LINGO1: variants seen among roughly 807,000 people sequenced by gnomAD.
LINGO1 encodes the protein leucine-rich repeat and immunoglobulin-like domain-containing nogo receptor-interacting protein 1.
LINGO1 carries 11 observed loss-of-function variants against 37.3 expected under a neutral mutation model. The ratio of observed to expected loss-of-function variants is 0.29; its 90% CI spans 0.19 to 0.49. The LOEUF (loss-of-function observed/expected upper bound fraction) is 0.49. Ranked by LOEUF, LINGO1 falls within the 20% of genes least tolerant of loss-of-function variation. The pLI is 0.99. For missense variants in LINGO1, 585 were observed against 878.2 expected (o/e 0.67, Z 4.22); for synonymous variants, 387 against 403.0 (o/e 0.96, Z 0.48).
chr15:77,631,381 A>G (rs1451960550), intron 1 of LINGO1, among the ~76,000 whole-genome samples: 6 of 151,918 alleles, frequency 3.9e-5, no homozygotes. Context: ...CCCAACCCCA[A>G]GGCCTCTGAG....
At position 77,615,662 on chromosome 15, in the gene LINGO1, C is replaced by A; in HGVS notation, c.245G>T (p.Arg82Leu). The part of the protein sequence containing the change: ...ETRLLDLGKN[R>L]IKTLNQDEFA... ...CTCGTCCTGGTTGAGCGTTTTGATGCGGTTCTTGCCTAGGTCCAGCAGGCG... is the reference window on the plus strand; with the variant it reads ...CTCGTCCTGGTTGAGCGTTTTGATGAGGTTCTTGCCTAGGTCCAGCAGGCG... The change falls in exon 2 of 2, where the codon CGC becomes CTC. Residue 82 changes from arginine (R) to leucine (L), a missense_variant. Physicochemically the swap from Arg to Leu is moderately radical, Grantham distance 102. Coordinates refer to ENST00000355300, the MANE Select transcript of LINGO1 (RefSeq NM_032808.7). The A allele has an allele frequency of 4.4e-6, 7 of 1,608,966 alleles. No homozygotes were observed. Among genetic ancestry groups the A allele is most frequent in the Non-Finnish European group, 5.9e-6 (7 of 1,177,250 alleles).
At chr15:77,808,916 T>C (rs1203084881) in intron 1 of LINGO1, among the ~76,000 whole-genome samples, 1 of 152,058 alleles carries the variant, frequency 6.6e-6, no homozygotes, top group East Asian at 1.9e-4. Flanking sequence ...GGATGGCCCA[T>C]ATATGCGCAC....
upstream of LINGO1, among the ~76,000 whole-genome samples, chr15:77,789,796 G>C (rs1157818240): frequency 1.3e-5 from 2 of 151,658 alleles, no homozygotes; most frequent in Non-Finnish European, 2.9e-5. Context: ...GGGGCTTTGG[G>C]GTTTTTTTGA....
At chr15:77,625,279 G>T (rs531231797) in intron 1 of LINGO1, among the ~76,000 whole-genome samples, 5 of 152,224 alleles carry the variant, frequency 3.3e-5, no homozygotes, top group Non-Finnish European at 5.9e-5. Flanking sequence ...TGAGAATGAT[G>T]ATTGGTAAAC....
At position 77,786,468 on chromosome 15, in the gene LINGO1, C is replaced by T. The variant is rs150119734; in HGVS notation, c.-257+401G>A. On this transcript the variant is annotated intron_variant, in intron 1 of 3. Transcript: ENST00000561686. ...CAGACTGCTGGATGGTCCCCAACCC[C>T]AGGCCTCTGGGGAGTGCCTGCGTGG... 5.4e-3 allele frequency among the ~76,000 whole-genome samples: 830 copies of T among 152,338 alleles called. 7 individuals are homozygous for T. The highest frequency in any genetic ancestry group is 0.019 in the African/African-American group (787 of 41,578).
intron 3 of LINGO1, among the ~76,000 whole-genome samples, chr15:77,670,274 GGT>G (rs2075224847): frequency 6.6e-6 from 1 of 152,194 alleles, no homozygotes; most frequent in African/African-American, 2.4e-5. Context: ...ATTAGATAGT[GGT>G]AAGAGTTGCA....
chr15:77,744,654 G>A (rs951330205), intron 1 of LINGO1, among the ~76,000 whole-genome samples: 2 of 152,236 alleles, frequency 1.3e-5, no homozygotes, highest in Non-Finnish European at 2.9e-5. Flanking sequence ...ACAAGACTGT[G>A]AGCTAGGTTC....
intron 1 of LINGO1, among the ~76,000 whole-genome samples, chr15:77,759,540 C>T (rs1050428662): frequency 4.6e-5 from 7 of 152,230 alleles, no homozygotes; most frequent in African/African-American, 7.2e-5. Context: ...GGTTGTATAT[C>T]GAAGCACCAG....
At chr15:77,645,646 G>A (rs994603821) in intron 3 of LINGO1, among the ~76,000 whole-genome samples, 2 of 152,184 alleles carry the variant, frequency 1.3e-5, no homozygotes, top group Admixed American at 6.5e-5. Flanking sequence ...TGCTGCCTCC[G>A]TGGGCCTCAG....
chr15:77,627,313 G>A (rs751906438), intron 1 of LINGO1, among the ~76,000 whole-genome samples: 3 of 152,076 alleles, frequency 2.0e-5, no homozygotes, highest in Admixed American at 6.5e-5. Flanking sequence ...GGAATCAATC[G>A]TTGGTGTACC....
intron 3 of LINGO1, among the ~76,000 whole-genome samples, chr15:77,668,361 T>G (rs2075177984): frequency 1.3e-5 from 2 of 152,138 alleles, no homozygotes; most frequent in Admixed American, 1.3e-4. Context: ...TTGACTCAAA[T>G]GTGTAGTTGG....
chr15:77,674,158 G>A (rs2075293050), intron 3 of LINGO1, among the ~76,000 whole-genome samples: 1 of 151,964 alleles, frequency 6.6e-6, no homozygotes, highest in Admixed American at 6.5e-5. Context: ...CTGGAGTCAT[G>A]GTTGGCTCCC....
upstream of LINGO1, among the ~76,000 whole-genome samples, chr15:77,788,902 G>A (rs1320248290): frequency 2.6e-5 from 4 of 152,142 alleles, no homozygotes; most frequent in Admixed American, 6.5e-5. Context: ...ATTGGATCAC[G>A]ACAAGTACAC....
intron 2 of LINGO1, among the ~76,000 whole-genome samples, chr15:77,720,441 G>A (rs564845947): frequency 3.3e-5 from 5 of 152,332 alleles, no homozygotes; most frequent in South Asian, 2.1e-4. Context: ...GCAGCAGGTC[G>A]CCTTTTGGAA....
At chr15:77,811,609 C>T (rs766845634) in intron 1 of LINGO1, among the ~76,000 whole-genome samples, 6 of 152,238 alleles carry the variant, frequency 3.9e-5, no homozygotes, top group Non-Finnish European at 7.3e-5. Context: ...GAGGACCCTC[C>T]CCTTCACTGC....
At chr15:77,660,384 C>T (rs963281036) in intron 3 of LINGO1, among the ~76,000 whole-genome samples, 8 of 152,158 alleles carry the variant, frequency 5.3e-5, no homozygotes, top group African/African-American at 1.9e-4. Context: ...CTCTGAGATC[C>T]GGAGGGGAGG....
upstream of LINGO1, among the ~76,000 whole-genome samples, chr15:77,699,421 C>T (rs2075740926): frequency 7.1e-6 from 1 of 141,046 alleles, no homozygotes; most frequent in South Asian, 2.3e-4. Flanking sequence ...ACAGTAAGTG[C>T]ATACAAACCA....
intron 1 of LINGO1, among the ~76,000 whole-genome samples, chr15:77,806,919 T>C (rs1420782998): frequency 6.6e-6 from 1 of 152,128 alleles, no homozygotes; most frequent in Non-Finnish European, 1.5e-5. Context: ...ATGAGTGTCC[T>C]GCTTGGAACC....
intron 1 of LINGO1, among the ~76,000 whole-genome samples, chr15:77,736,697 C>T (rs1034766434): frequency 3.3e-5 from 5 of 152,072 alleles, no homozygotes; most frequent in Non-Finnish European, 7.4e-5. Context: ...TCACTTGAGC[C>T]CAGGAGGTGG....
Sources: allele counts gnomAD v4.1 joint callset (sites outside exome capture counted in the v4.1 genomes callset), GRCh38; gene constraint gnomAD v4.1.1; transcripts MANE v1.5; gene names NCBI Gene and HGNC (gene_info 2026-07-23, HGNC 2026-07-21).